HCK: variants seen among roughly 807,000 people sequenced by gnomAD.
HCK encodes tyrosine-protein kinase HCK.
HCK carries 40 observed loss-of-function variants against 70.4 expected under a neutral mutation model. The ratio of observed to expected loss-of-function variants is 0.57; its 90% CI spans 0.44 to 0.74. The LOEUF is 0.74. Among genes scored for constraint, HCK ranks in the 30% least tolerant of loss-of-function variants. The pLI is 0.00. For missense variants in HCK, 568 were observed against 697.2 expected (o/e 0.81, Z 2.09); for synonymous variants, 245 against 263.2 (o/e 0.93, Z 0.67).
chr20:32,059,793 G>T (rs2045339514), intron 1 of HCK, among the ~76,000 whole-genome samples: 1 of 152,124 alleles, frequency 6.6e-6, no homozygotes. Flanking sequence ...TGGTATTACA[G>T]ATGTGAGCCA....
intron 10 of HCK, 137 bp downstream of exon 10, chr20:32,088,781 A>C: frequency 1.6e-6 from 1 of 633,974 alleles, no homozygotes; most frequent in Non-Finnish European, 2.8e-6. Context: ...GTATAAAACT[A>C]TGTTTTTTGC....
intron 2 of HCK, 142 bp from the exon 3 acceptor site, chr20:32,073,177 T>C (rs1287714838): frequency 4.4e-6 from 3 of 676,534 alleles, no homozygotes; most frequent in African/African-American, 3.7e-5. Context: ...GTGCCAGGCA[T>C]GTCCCCTGCC....
rs2045791109 is a variant in HCK, at chr20:32,086,643, ACAC to A, written c.854_856del (p.Thr285del). On this transcript the variant is annotated inframe_deletion, in exon 9 of 13. Transcript: ENST00000375852. ...CCCCCTCCAGCCACCTACAACAAGC[ACAC>A]CAAGGTGGCAGTGAAGACGATGAAG... 6.2e-7 allele frequency: 1 copy of A among 1,611,604 alleles called. No individual in the cohort carries two copies. Among genetic ancestry groups the A allele is most frequent in the Admixed American group, 1.7e-5 (1 of 59,820 alleles).
At chr20:32,077,108 A>G (rs1353937265) in intron 5 of HCK, among the ~76,000 whole-genome samples, 3 of 152,088 alleles carry the variant, frequency 2.0e-5, no homozygotes, top group South Asian at 4.1e-4. Context: ...AAAATAACAA[A>G]TGAATACACA....
At chr20:32,069,760 T>A (rs1175658805) in intron 1 of HCK, 1 of 1,278,964 alleles carries the variant, frequency 7.8e-7, no homozygotes, top group Admixed American at 2.3e-5. Context: ...AGGTAAATCC[T>A]TGTAAATAAA....
chr20:32,071,572 G>C, intron 1 of HCK, 90 bp from the exon 2 acceptor site: 1 of 1,537,444 alleles, frequency 6.5e-7, no homozygotes, highest in Non-Finnish European at 8.8e-7. Flanking sequence ...AGCCAGCCCG[G>C]GGGCAGGGGA....
At position 32,101,827 on chromosome 20, in the gene HCK, A is replaced by G. The variant is rs2046040216; in HGVS notation, c.*308A>G. ...AATAGTGAAATGAATATTTAAATAA[A>G]AGATATAAATGCCAAAGTCTTTACC... On this transcript the variant is annotated 3_prime_UTR_variant, in exon 13 of 13. Transcript: ENST00000375852. 4 of 262,956 alleles carry G rather than the reference A, an allele frequency of 1.5e-5. No individual in the cohort carries two copies. The highest frequency in any genetic ancestry group is 2.9e-5 in the Non-Finnish European group (4 of 136,766). 16.3% of individuals were successfully genotyped at this position (262,956 alleles called of 1,614,324 possible).
chr20:32,099,465 C>T (rs2046004040), intron 12 of HCK, among the ~76,000 whole-genome samples: 3 of 149,606 alleles, frequency 2.0e-5, no homozygotes, highest in Admixed American at 6.8e-5. Flanking sequence ...TCAAGCGATT[C>T]TCCTGCCTCA....
In HCK at chr20:32,084,421, C is replaced by G. The variant is rs80138575; in HGVS notation, c.713C>G (p.Ser238Trp). 6.2e-7 allele frequency: 1 copy of G among 1,613,960 alleles called. No homozygotes were observed. Among genetic ancestry groups the G allele is most frequent in the East Asian group, 2.2e-5 (1 of 44,868 alleles). Residue 238 changes from serine to tryptophan, a missense_variant, in exon 8 of 13, where the codon TCG (serine) becomes TGG (tryptophan). This residue lies in a region of HCK where 318 missense variants were observed against 336.0 expected (regional missense o/e 0.95). Transcript: ENST00000375852. The stretch of plus-strand genomic sequence containing the variant: ...AACGACGGGCTCTGCCAGAAACTGT[C>G]GGTGCCCTGCATGTCTTCCAAGCCC...
intron 6 of HCK, among the ~76,000 whole-genome samples, chr20:32,080,207 T>A (rs924195442): frequency 1.3e-5 from 2 of 152,206 alleles, no homozygotes; most frequent in Non-Finnish European, 2.9e-5. Context: ...TTTTGTTTTG[T>A]TCTGTTTTTT....
Position 32,086,625 on chromosome 20 carries a change from C to T in HCK, c.836-3C>T. The T allele has an allele frequency of 6.2e-7, 1 of 1,605,844 alleles. No homozygotes were observed. On this transcript the variant is annotated splice_region_variant and splice_polypyrimidine_tract_variant and intron_variant, in intron 8 of 12. Transcript: ENST00000375852. ...ACCTTCCCTGCTCTCTATCCCCCTC[C>T]AGCCACCTACAACAAGCACACCAAG...
intron 4 of HCK, 25 bp from the exon 5 acceptor site, chr20:32,074,598 A>G: frequency 6.5e-7 from 1 of 1,539,688 alleles, no homozygotes. Context: ...TGTCCCTAAC[A>G]CCTTTACTCC....
intron 1 of HCK, among the ~76,000 whole-genome samples, chr20:32,063,876 A>T (rs897232832): frequency 6.7e-6 from 1 of 150,116 alleles, no homozygotes; most frequent in South Asian, 2.1e-4. Flanking sequence ...CAAGGCTGAG[A>T]GTCTGCATTT....
At chr20:32,095,045 T>A (rs1216128143) in intron 11 of HCK, among the ~76,000 whole-genome samples, 1 of 152,026 alleles carries the variant, frequency 6.6e-6, no homozygotes, top group Non-Finnish European at 1.5e-5. Context: ...AGCCAAAAAA[T>A]GGAAACAACA....
At chr20:32,087,850 G>T (rs924590373) in intron 9 of HCK, among the ~76,000 whole-genome samples, 54 of 152,146 alleles carry the variant, frequency 3.5e-4, no homozygotes, top group African/African-American at 1.3e-3. Context: ...CACCGTGTTA[G>T]CCAGGATGGT....
chr20:32,055,033 A>T (rs768160079), intron 1 of HCK, among the ~76,000 whole-genome samples: 44 of 152,158 alleles, frequency 2.9e-4, no homozygotes, highest in Admixed American at 2.2e-3. Context: ...TAAATACTCA[A>T]GTTGTTCCTA....
chr20:32,101,589 C>A lies in HCK; in HGVS notation c.*70C>A. ...GCAAGGTGGCTCCAGCACCATCCGC[C>A]AGGGCCCACACCCCCTTCCTACTCC... On this transcript the variant is annotated 3_prime_UTR_variant, in exon 13 of 13. Transcript: ENST00000375852. 1 of 1,302,680 alleles carries A rather than the reference C, an allele frequency of 7.7e-7. No homozygotes were observed. The highest frequency in any genetic ancestry group is 1.1e-6 in the Non-Finnish European group (1 of 929,388). 80.7% of individuals were successfully genotyped at this position (1,302,680 alleles called of 1,614,324 possible). A position where few individuals can be genotyped will look rare whatever the true frequency, so the allele number is the denominator to read the frequency against.
At chr20:32,094,777 GAGAGA>G (rs2045921663) in intron 11 of HCK, among the ~76,000 whole-genome samples, 1 of 102,614 alleles carries the variant, frequency 9.7e-6, no homozygotes, top group African/African-American at 4.6e-5. Flanking sequence ...AAGAAAGAAA[GAGAGA>G]GAAAGAGAAA....
intron 10 of HCK, among the ~76,000 whole-genome samples, chr20:32,090,705 G>A (rs755112668): frequency 6.6e-6 from 1 of 152,124 alleles, no homozygotes; most frequent in Non-Finnish European, 1.5e-5. Flanking sequence ...TGGGGGTCAT[G>A]AAATCTCACC....
Sources: gnomAD v4.1 joint callset for allele counts (sites outside exome capture counted in the v4.1 genomes callset) on GRCh38, gnomAD v4.1.1 for gene constraint, gnomAD v4.1.1 regional missense constraint, MANE v1.5 for transcripts, NCBI Gene and HGNC (gene_info 2026-07-23, HGNC 2026-07-21) for gene names.